The following MOCS3 variants were observed in gnomAD, a reference collection of about 807,000 sequenced individuals.
The protein encoded by MOCS3 is adenylyltransferase and sulfurtransferase MOCS3.
In MOCS3, 9 loss-of-function variants were observed where a neutral mutation model predicts 8.4. The observed-to-expected ratio is 1.07, with a 90% CI of 0.65 to 1.87. The LOEUF (loss-of-function observed/expected upper bound fraction) is 1.87, where lower values mean the gene tolerates loss of function less well. Ranked by LOEUF, MOCS3 falls within the 40% of genes most tolerant of loss-of-function variation. The pLI, the probability that MOCS3 is intolerant of heterozygous loss-of-function variation, is 0.00. For synonymous variants in MOCS3, 294 were observed against 272.0 expected, an observed-to-expected ratio of 1.08 and a Z score of -0.80; for missense variants, 581 against 599.7, an observed-to-expected ratio of 0.97 and a Z score of 0.33.
chr20:50,959,792 GCTC>G lies in MOCS3; in HGVS notation c.954_956del (p.Ser319del). On this transcript the variant is annotated inframe_deletion, in exon 1 of 1. Transcript: ENST00000244051. ...CTGCTGGACTATGAAGCCTTCTGTG[GCTC>G]CTCAGCCACTGATAAATGCCGCTCC... 6.2e-7 allele frequency: 1 copy of G among 1,614,272 alleles called. No homozygotes were observed. The highest frequency in any genetic ancestry group is 2.2e-5 in the East Asian group (1 of 44,888).
chr20:50,962,884 A>G lies in MOCS3; in HGVS notation c.*2659A>G, dbSNP rs901691845. On this transcript the variant is annotated 3_prime_UTR_variant, in exon 1 of 1. Coordinates refer to ENST00000244051, the MANE Select transcript of MOCS3 (RefSeq NM_014484.5). Reference sequence around the variant, plus strand: ...ATTTGAAATTTGGTTTTCTCTGGGGATTGTAGCTAGGTTTTTATGGTGAGA... The same window carrying G: ...ATTTGAAATTTGGTTTTCTCTGGGGGTTGTAGCTAGGTTTTTATGGTGAGA... 1 of 151,924 alleles carries G rather than the reference A, an allele frequency of 6.6e-6. No individual in the cohort carries two copies. The highest frequency in any genetic ancestry group is 2.4e-5 in the African/African-American group (1 of 41,318). The allele number at this position is 151,924 out of a possible 1,614,324, so 9.4% of individuals were successfully genotyped here. A position where few individuals can be genotyped will look rare whatever the true frequency, so the allele number is the denominator to read the frequency against.
chr20:50,960,807 G>A lies in MOCS3; in HGVS notation c.*582G>A, dbSNP rs1200185961. ...TGCCCAGGCTGGAGTGTAGTGGTGC[G>A]ATCTCAGCTCACTGCAACCTCCGCC... On this transcript the variant is annotated 3_prime_UTR_variant, in exon 1 of 1. Coordinates refer to ENST00000244051, the MANE Select transcript of MOCS3 (RefSeq NM_014484.5). 2.6e-5 allele frequency: 4 copies of A among 154,626 alleles called. No individual in the cohort carries two copies. The highest frequency in any genetic ancestry group is 6.6e-5 in the Admixed American group (1 of 15,140). The allele number at this position is 154,626 out of a possible 1,614,324, so 9.6% of individuals were successfully genotyped here.
chr20:50,959,742 C>T lies in MOCS3; in HGVS notation c.900C>T (p.Cys300=). ...GCCGCAGGCTCGACTGTGCAGCTTG[C>T]GGGGAACGGCCCACTGTGACTGATC... ...LRSRRLDCAA[C]GERPTVTDLL... Residue 300 remains cysteine (C), a synonymous_variant, in exon 1 of 1, where the codon TGC becomes TGT. Transcript: ENST00000244051. 6.2e-7 allele frequency: 1 copy of T among 1,614,256 alleles called. No individual in the cohort carries two copies. The highest frequency in any genetic ancestry group is 8.5e-7 in the Non-Finnish European group (1 of 1,180,040).
rs1987134404 is a variant in MOCS3, at chr20:50,963,009, C to T, written c.*2784C>T. 6.6e-6 allele frequency: 1 copy of T among 152,210 alleles called. No individual in the cohort carries two copies. The highest frequency in any genetic ancestry group is 1.5e-5 in the Non-Finnish European group (1 of 68,046). The allele number at this position is 152,210 out of a possible 1,614,324, so 9.4% of individuals were successfully genotyped here. A position where few individuals can be genotyped will look rare whatever the true frequency, so the allele number is the denominator to read the frequency against. On this transcript the variant is annotated 3_prime_UTR_variant, in exon 1 of 1. Coordinates refer to ENST00000244051, the MANE Select transcript of MOCS3 (RefSeq NM_014484.5). ...CACAGCTCGCTGTGGCCTCAACCTC[C>T]TGGGTTCAAGTGATCCTCCCACCTC...
chr20:50,959,996 G>A lies in MOCS3; in HGVS notation c.1154G>A (p.Ser385Asn), dbSNP rs1408147009. Residue 385 changes from serine to asparagine, a missense_variant, in exon 1 of 1, where the codon AGC (serine) becomes AAC (asparagine). Coordinates refer to ENST00000244051, the MANE Select transcript of MOCS3 (RefSeq NM_014484.5). ...LKHLERRDAE[S>N]LKLLKEAIWE... ...CATTTGGAACGCAGGGATGCGGAGA[G>A]CCTGAAACTCTTAAAAGAAGCAATC... 6.2e-7 allele frequency: 1 copy of A among 1,614,278 alleles called. No homozygotes were observed. The highest frequency in any genetic ancestry group is 2.2e-5 in the East Asian group (1 of 44,892).
Position 50,961,350 on chromosome 20 carries a change from T to C in MOCS3, c.*1125T>C, listed in dbSNP as rs1372802701. On this transcript the variant is annotated 3_prime_UTR_variant, in exon 1 of 1. Coordinates refer to ENST00000244051, the MANE Select transcript of MOCS3 (RefSeq NM_014484.5). ...CTTAACATTTTCATAAAATAGTAGG[T>C]AGTCTCACCAACTTCCAATATATAC... 11 of 162,834 alleles carry C rather than the reference T, an allele frequency of 6.8e-5. No homozygotes were observed. The Admixed American group carries it at 7.2e-4, about 11-fold the overall frequency. The allele number at this position is 162,834 out of a possible 1,614,324, so 10.1% of individuals were successfully genotyped here. A position where few individuals can be genotyped will look rare whatever the true frequency, so the allele number is the denominator to read the frequency against.
At position 50,959,229 on chromosome 20, in the gene MOCS3, C is replaced by T. The variant is rs1987016848; in HGVS notation, c.387C>T (p.Gly129=). 1.9e-6 allele frequency: 3 copies of T among 1,610,860 alleles called. No individual in the cohort carries two copies. The highest frequency in any genetic ancestry group is 2.5e-6 in the Non-Finnish European group (3 of 1,179,102). The change falls in exon 1 of 1, where the codon GGC becomes GGT. Residue 129 remains glycine, a synonymous_variant. Transcript: ENST00000244051. ...MSNLARQVLH[G]EALAGQAKAF... ...ACCTGGCCCGCCAAGTGCTGCATGG[C>T]GAGGCACTGGCTGGCCAGGCCAAGG...
In MOCS3 at chr20:50,959,358, A is replaced by G. The variant is rs772823347; in HGVS notation, c.516A>G (p.Arg172=). The G allele has an allele frequency of 6.8e-6, 11 of 1,611,344 alleles. No individual in the cohort carries two copies. Among genetic ancestry groups the G allele is most frequent in the Non-Finnish European group, 9.3e-6 (11 of 1,178,584 alleles). ...CCACTGCCCTAGACCTGGTCCGCCG[A>G]TATGATGTGGTGGCTGACTGCTCGG... ...TPATALDLVR[R]YDVVADCSDN... is the part of the protein sequence containing the mutation. Residue 172 remains arginine (R), a synonymous_variant, in exon 1 of 1, where the codon CGA becomes CGG. Coordinates refer to ENST00000244051, the MANE Select transcript of MOCS3 (RefSeq NM_014484.5).
rs775413115 is a variant in MOCS3, at chr20:50,959,274, G to A, written c.432G>A (p.Ser144=). The change falls in exon 1 of 1, where the codon TCG becomes TCA. Residue 144 remains serine (S), a synonymous_variant. Coordinates refer to ENST00000244051, the MANE Select transcript of MOCS3 (RefSeq NM_014484.5). ...GQAKAFSAAA[S]LRRLNSAVEC... ...CCAAGGCCTTTTCGGCCGCCGCCTC[G>A]CTGCGCCGCCTCAATTCGGCAGTGG... 3.7e-6 allele frequency: 6 copies of A among 1,609,786 alleles called. No homozygotes were observed. In the African/African-American group the frequency reaches 6.7e-5, roughly 18 times the overall value.
Position 50,959,927 on chromosome 20 carries a change from T to C in MOCS3, c.1085T>C (p.Val362Ala). 1 of 1,614,210 alleles carries C rather than the reference T, an allele frequency of 6.2e-7. No individual in the cohort carries two copies. Among genetic ancestry groups the C allele is most frequent in the Non-Finnish European group, 8.5e-7 (1 of 1,180,044 alleles). ...CTGGACGTCAGGCCTCAGGTGGAGGTGGACATTTGTCGTTTGCCTCATGCC... is the reference window on the plus strand; with the variant it reads ...CTGGACGTCAGGCCTCAGGTGGAGGCGGACATTTGTCGTTTGCCTCATGCC... ...LLLDVRPQVEVDICRLPHALH... is the reference protein window; with the variant it reads ...LLLDVRPQVEADICRLPHALH... Residue 362 changes from valine (V) to alanine (A), a missense_variant, in exon 1 of 1, where the codon GTG becomes GCG. Coordinates refer to ENST00000244051, the MANE Select transcript of MOCS3 (RefSeq NM_014484.5).
rs1987034314 is a variant in MOCS3, at chr20:50,959,550, G to C, written c.708G>C (p.Val236=). Residue 236 remains valine (V), a synonymous_variant, in exon 1 of 1, where the codon GTG becomes GTC. Coordinates refer to ENST00000244051, the MANE Select transcript of MOCS3 (RefSeq NM_014484.5). The stretch of plus-strand genomic sequence containing the variant: ...CCCAACCACCCCCAGCGGAGACAGT[G>C]ACCAACTGCGCGGACGGCGGGGTGC... ...IFPQPPPAET[V]TNCADGGVLG... 3 of 1,613,990 alleles carry C rather than the reference G, an allele frequency of 1.9e-6. No homozygotes were observed. The highest frequency in any genetic ancestry group is 2.5e-6 in the Non-Finnish European group (3 of 1,180,042).
chr20:50,961,964 A>G lies in MOCS3; in HGVS notation c.*1739A>G, dbSNP rs1326713108. ...ACACACAGGAACAATTTCATATTCT[A>G]AAGACTGAAGTCCTAAAGTTATAGA... On this transcript the variant is annotated 3_prime_UTR_variant, in exon 1 of 1. Transcript: ENST00000244051. 2 of 152,212 alleles carry G rather than the reference A, an allele frequency of 1.3e-5. No individual in the cohort carries two copies. The highest frequency in any genetic ancestry group is 6.5e-5 in the Admixed American group (1 of 15,288). The allele number at this position is 152,212 out of a possible 1,614,324, so 9.4% of individuals were successfully genotyped here.
In MOCS3 at chr20:50,959,537, C is replaced by T. The variant is rs1165487654; in HGVS notation, c.695C>T (p.Pro232Leu). Residue 232 changes from proline to leucine, a missense_variant, in exon 1 of 1, where the codon CCA (proline) becomes CTA (leucine). By Grantham distance (98) the Pro-to-Leu change is moderately conservative. Coordinates refer to ENST00000244051, the MANE Select transcript of MOCS3 (RefSeq NM_014484.5). ...CYRCIFPQPP[P>L]AETVTNCADG... ...CGCTGCATATTCCCCCAACCACCCC[C>T]AGCGGAGACAGTGACCAACTGCGCG... 6.2e-7 allele frequency: 1 copy of T among 1,614,058 alleles called. No homozygotes were observed. The highest frequency in any genetic ancestry group is 8.5e-7 in the Non-Finnish European group (1 of 1,180,054).
Position 50,963,888 on chromosome 20 carries a change from A to G in MOCS3, c.*3663A>G, listed in dbSNP as rs1016451067. ...ATAGAAAGCAATCTATGTCCTGACA[A>G]TCACGGAAGTGTATTCCAGATACAA... On this transcript the variant is annotated 3_prime_UTR_variant, in exon 1 of 1. Transcript: ENST00000244051. 6.6e-6 allele frequency: 1 copy of G among 152,228 alleles called. No individual in the cohort carries two copies. The highest frequency in any genetic ancestry group is 2.4e-5 in the African/African-American group (1 of 41,464). 9.4% of individuals were successfully genotyped at this position (152,228 alleles called of 1,614,324 possible). A position where few individuals can be genotyped will look rare whatever the true frequency, so the allele number is the denominator to read the frequency against.
At position 50,963,103 on chromosome 20, in the gene MOCS3, T is replaced by A. The variant is rs1203674297; in HGVS notation, c.*2878T>A. 6.6e-6 allele frequency: 1 copy of A among 152,048 alleles called. No homozygotes were observed. The highest frequency in any genetic ancestry group is 1.9e-4 in the East Asian group (1 of 5,178). 9.4% of individuals were successfully genotyped at this position (152,048 alleles called of 1,614,324 possible). A position where few individuals can be genotyped will look rare whatever the true frequency, so the allele number is the denominator to read the frequency against. ...TAGCCATTTTTTAATTTAAAAATTT[T>A]TTGGTAGCAATGGGGTCTGAATATG... On this transcript the variant is annotated 3_prime_UTR_variant, in exon 1 of 1. Coordinates refer to ENST00000244051, the MANE Select transcript of MOCS3 (RefSeq NM_014484.5).
At position 50,960,539 on chromosome 20, in the gene MOCS3, C is replaced by T. The variant is rs146894331; in HGVS notation, c.*314C>T. ...ATTTACATGTCCTTATTTTCCACCT[C>T]CCCCAGTCAAAATGCTTTCTAAATC... is the stretch of plus-strand genomic sequence containing the variant. On this transcript the variant is annotated 3_prime_UTR_variant, in exon 1 of 1. Coordinates refer to ENST00000244051, the MANE Select transcript of MOCS3 (RefSeq NM_014484.5). 5.1e-3 allele frequency: 1,282 copies of T among 253,632 alleles called. 8 individuals are homozygous for T. The highest frequency in any genetic ancestry group is 0.02 in the African/African-American group (881 of 44,470). The allele number at this position is 253,632 out of a possible 1,614,324, so 15.7% of individuals were successfully genotyped here.
At position 50,960,429 on chromosome 20, in the gene MOCS3, C is replaced by A; in HGVS notation, c.*204C>A. 1 of 498,236 alleles carries A rather than the reference C, an allele frequency of 2.0e-6. No individual in the cohort carries two copies. The highest frequency in any genetic ancestry group is 3.4e-6 in the Non-Finnish European group (1 of 290,230). The allele number at this position is 498,236 out of a possible 1,614,324, so 30.9% of individuals were successfully genotyped here. A position where few individuals can be genotyped will look rare whatever the true frequency, so the allele number is the denominator to read the frequency against. ...AATGGATTATACCGTTTCTGAGAACCATCATTTTTTTTTTCAGCACACGGA... is the reference window on the plus strand; with the variant it reads ...AATGGATTATACCGTTTCTGAGAACAATCATTTTTTTTTTCAGCACACGGA... On this transcript the variant is annotated 3_prime_UTR_variant, in exon 1 of 1. Coordinates refer to ENST00000244051, the MANE Select transcript of MOCS3 (RefSeq NM_014484.5).
In MOCS3 at chr20:50,958,873, C is replaced by G; in HGVS notation, c.31C>G (p.Gln11Glu). Residue 11 changes from glutamine (Q) to glutamate (E), a missense_variant, in exon 1 of 1, where the codon CAA (glutamine) becomes GAA (glutamate). Gln to Glu is a conservative substitution (Grantham distance 29, BLOSUM62 2). Transcript: ENST00000244051. MASREEVLAL[Q>E]AEVAQREEEL... The stretch of plus-strand genomic sequence containing the variant: ...TTCCCGGGAGGAGGTACTCGCCTTA[C>G]AAGCTGAAGTTGCCCAACGTGAGGA... 6.3e-7 allele frequency: 1 copy of G among 1,598,038 alleles called. No homozygotes were observed. The highest frequency in any genetic ancestry group is 1.3e-5 in the African/African-American group (1 of 74,708).
Position 50,960,344 on chromosome 20 carries a change from C to T in MOCS3, c.*119C>T. 3 of 1,018,284 alleles carry T rather than the reference C, an allele frequency of 2.9e-6. No homozygotes were observed. The highest frequency in any genetic ancestry group is 4.2e-6 in the Non-Finnish European group (3 of 717,654). The allele number at this position is 1,018,284 out of a possible 1,614,324, so 63.1% of individuals were successfully genotyped here. ...GGGGATTCTACAGTATCTGTGAATA[C>T]GTGGACTCCTTTTTATAAGGAGTTT... is the stretch of plus-strand genomic sequence containing the variant. On this transcript the variant is annotated 3_prime_UTR_variant, in exon 1 of 1. Transcript: ENST00000244051.
Sources: allele counts gnomAD v4.1 joint callset, GRCh38; gene constraint gnomAD v4.1.1; transcripts MANE v1.5; gene names NCBI Gene and HGNC (gene_info 2026-07-23, HGNC 2026-07-21).